Variants in RBFOX1 observed in about 807,000 individuals in gnomAD.
RBFOX1 encodes RNA binding fox-1 homolog 1.
Under a neutral mutation model 57.7 loss-of-function variants are expected in RBFOX1, and 8 were observed. The observed-to-expected ratio is 0.14, with a 90% CI of 0.08 to 0.25. The LOEUF (loss-of-function observed/expected upper bound fraction) is 0.25. Among genes scored for constraint, RBFOX1 ranks in the 10% least tolerant of loss-of-function variants. RBFOX1 has a pLI of 1.00. For synonymous variants in RBFOX1, 326 were observed against 222.4 expected, an observed-to-expected ratio of 1.47 and a Z score of -4.15; for missense variants, 611 against 548.5, an observed-to-expected ratio of 1.11 and a Z score of -1.14.
chr16:6,786,212 A>G (rs7199102), intron 3 of RBFOX1, among the ~76,000 whole-genome samples: 89,496 of 152,008 alleles, frequency 0.59, 26,567 homozygotes, highest in Admixed American at 0.66. Flanking sequence ...GGGGAGGGGT[A>G]TGTCAGAAGA....
At chr16:5,728,067 T>C (rs1263672511) in intron 3 of RBFOX1, among the ~76,000 whole-genome samples, 1 of 152,246 alleles carries the variant, frequency 6.6e-6, no homozygotes, top group African/African-American at 2.4e-5. Flanking sequence ...TTCTGTTATC[T>C]GGCTTATTTC....
intron 2 of RBFOX1, among the ~76,000 whole-genome samples, chr16:5,501,696 G>C (rs1045649317): frequency 1.4e-4 from 21 of 152,142 alleles, no homozygotes; most frequent in Non-Finnish European, 2.2e-4. Flanking sequence ...GTAGTACCCA[G>C]TGAATGTTAA....
intron 1 of RBFOX1, among the ~76,000 whole-genome samples, chr16:6,104,398 A>G (rs942323706): frequency 1.3e-5 from 2 of 152,224 alleles, no homozygotes; most frequent in African/African-American, 4.8e-5. Flanking sequence ...AAATAAGGTA[A>G]TATTCAAAGT....
At chr16:6,814,190 C>A (rs1271825540) in intron 3 of RBFOX1, among the ~76,000 whole-genome samples, 1 of 142,702 alleles carries the variant, frequency 7.0e-6, no homozygotes, top group Non-Finnish European at 1.5e-5. Context: ...ATTGCATGAT[C>A]AACATGATGA....
At chr16:6,780,512 A>G (rs1172979830) in intron 3 of RBFOX1, among the ~76,000 whole-genome samples, 1 of 115,770 alleles carries the variant, frequency 8.6e-6, no homozygotes, top group Non-Finnish European at 1.7e-5. Context: ...ATATATTTAT[A>G]TATACATTTA....
intron 1 of RBFOX1, among the ~76,000 whole-genome samples, chr16:5,368,734 A>C (rs556957439): frequency 2.0e-5 from 3 of 152,158 alleles, no homozygotes; most frequent in Non-Finnish European, 4.4e-5. Context: ...ATGGTTTCAT[A>C]GTGACCTCTC....
At chr16:6,715,972 A>G (rs980289273) in intron 3 of RBFOX1, among the ~76,000 whole-genome samples, 1 of 151,732 alleles carries the variant, frequency 6.6e-6, no homozygotes, top group Non-Finnish European at 1.5e-5. Context: ...GCAATTGACC[A>G]GGTGTGCAGT....
intron 1 of RBFOX1, among the ~76,000 whole-genome samples, chr16:5,255,954 T>C (rs1185156651): frequency 6.6e-6 from 1 of 151,856 alleles, no homozygotes; most frequent in Admixed American, 6.6e-5. Context: ...CTTGCAGATA[T>C]AGTGAGGATT....
intron 6 of RBFOX1, among the ~76,000 whole-genome samples, chr16:7,586,274 C>G (rs1274600807): frequency 1.3e-5 from 2 of 152,110 alleles, no homozygotes; most frequent in African/African-American, 2.4e-5. Flanking sequence ...GAAATGGCCA[C>G]AATACTTCAT....
chr16:6,163,452 T>A (rs907172918), intron 1 of RBFOX1, among the ~76,000 whole-genome samples: 1 of 152,244 alleles, frequency 6.6e-6, no homozygotes, highest in Non-Finnish European at 1.5e-5. Flanking sequence ...TTGGTTATGC[T>A]AAATACGTTA....
chr16:5,304,958 G>C (rs9935372), intron 1 of RBFOX1, among the ~76,000 whole-genome samples: 2 of 152,188 alleles, frequency 1.3e-5, no homozygotes, highest in Admixed American at 6.5e-5. Context: ...TTGCCTCTTC[G>C]TGTCCTTTAC....
chr16:7,461,564 C>G (rs186606768), intron 4 of RBFOX1, among the ~76,000 whole-genome samples: 31 of 152,276 alleles, frequency 2.0e-4, no homozygotes, highest in African/African-American at 7.2e-4. Flanking sequence ...CCTCCAAGAA[C>G]TTAGAATTGA....
chr16:7,252,016 A>T (rs2094516029), intron 4 of RBFOX1, among the ~76,000 whole-genome samples: 1 of 152,202 alleles, frequency 6.6e-6, no homozygotes, highest in African/African-American at 2.4e-5. Context: ...GCTCTACAGT[A>T]TTTGGGTGGT....
chr16:6,267,585 A>T (rs940737270), intron 1 of RBFOX1, among the ~76,000 whole-genome samples: 1 of 152,142 alleles, frequency 6.6e-6, no homozygotes, highest in Non-Finnish European at 1.5e-5. Context: ...TTCTTTTTTT[A>T]CCATAAGTTT....
intron 3 of RBFOX1, among the ~76,000 whole-genome samples, chr16:7,029,850 A>G (rs2042338831): frequency 1.3e-5 from 2 of 152,186 alleles, no homozygotes; most frequent in Admixed American, 6.6e-5. Flanking sequence ...TGAAAGAATG[A>G]TAACTTGATT....
At chr16:5,857,989 A>AT (rs111540876) in intron 3 of RBFOX1, among the ~76,000 whole-genome samples, 3,451 of 152,170 alleles carry the variant, frequency 0.023, 114 homozygotes, top group African/African-American at 0.079. Context: ...ATTTTGTGCT[A>AT]TAAGCTTTTT....
downstream of RBFOX1, chr16:5,601,087 A>G (rs1205122451): frequency 6.6e-6 from 1 of 152,234 alleles, no homozygotes; most frequent in Admixed American, 6.5e-5. Context: ...ATGAAGCACG[A>G]AAGTATTGTA....
intron 3 of RBFOX1, among the ~76,000 whole-genome samples, chr16:6,950,871 C>A (rs1026613558): frequency 1.3e-5 from 2 of 151,372 alleles, no homozygotes; most frequent in Admixed American, 1.3e-4. Context: ...TTTTGTCTCT[C>A]TTTCTCTCTT....
At position 7,358,847 on chromosome 16, in the gene RBFOX1, T is replaced by C. The variant is rs183247061; in HGVS notation, c.28-159300T>C. Among the ~76,000 whole-genome samples, 3 of 152,318 alleles carry C rather than the reference T, an allele frequency of 2.0e-5. No homozygotes were observed. The East Asian group carries it at 5.8e-4, about 29-fold the overall frequency. ...ATGTGCTCACGATGACTTATCTACA[T>C]AATACGAGAGAAGTAACTTTCTAAG... On this transcript the variant is annotated intron_variant, in intron 4 of 15. Coordinates refer to ENST00000550418, the MANE Select transcript of RBFOX1 (RefSeq NM_018723.4).
Sources: allele counts gnomAD v4.1 joint callset (sites outside exome capture counted in the v4.1 genomes callset), GRCh38; gene constraint gnomAD v4.1.1; transcripts MANE v1.5; gene names NCBI Gene and HGNC (gene_info 2026-07-23, HGNC 2026-07-21).